Variants in LY75 observed in about 807,000 individuals in gnomAD.
LY75 encodes the protein lymphocyte antigen 75, also known as C-type lectin domain family 13 member B.
Under a neutral mutation model 231.7 loss-of-function variants are expected in LY75, and 185 were observed. The ratio of observed to expected loss-of-function variants is 0.80; its 90% CI spans 0.71 to 0.90. LY75 has a LOEUF of 0.90. LY75 is among the 40% of genes least tolerant of loss of function. The pLI is 0.00. For synonymous variants in LY75, 668 were observed against 689.0 expected, an observed-to-expected ratio of 0.97 and a Z score of 0.48; for missense variants, 1,947 against 2,050.2, an observed-to-expected ratio of 0.95 and a Z score of 0.97.
chr2:159,852,107 T>G, intron 21 of LY75, 94 bp downstream of exon 21: 1 of 1,504,926 alleles, frequency 6.6e-7, no homozygotes, highest in South Asian at 1.3e-5. Flanking sequence ...TCTATTTCAG[T>G]GATGTTGTCA....
chr2:159,867,008 C>T (rs1684875786), intron 13 of LY75, among the ~76,000 whole-genome samples: 1 of 152,072 alleles, frequency 6.6e-6, no homozygotes, highest in Admixed American at 6.6e-5. Context: ...CACTTAGAAA[C>T]ATCTCTGCTT....
At chr2:159,893,527 G>A (rs1167638540) in intron 3 of LY75, among the ~76,000 whole-genome samples, 1 of 152,074 alleles carries the variant, frequency 6.6e-6, no homozygotes, top group Non-Finnish European at 1.5e-5. Context: ...CTTCTGCTCC[G>A]TGAAACTTAC....
At chr2:159,871,327 G>A (rs549474226) in intron 13 of LY75, among the ~76,000 whole-genome samples, 2 of 152,068 alleles carry the variant, frequency 1.3e-5, no homozygotes, top group Non-Finnish European at 2.9e-5. Flanking sequence ...CAAGTGAAGT[G>A]GGGTCAAGAA....
At chr2:159,823,333 G>A (rs555816485) in intron 28 of LY75, among the ~76,000 whole-genome samples, 4 of 152,020 alleles carry the variant, frequency 2.6e-5, no homozygotes, top group South Asian at 2.1e-4. Context: ...TTGATCAAGC[G>A]GAAGAAAGGA....
Position 159,857,539 on chromosome 2 carries a change from C to T in LY75, c.2383+823G>A, listed in dbSNP as rs183930376. ...GGCCAATCACCTGAGGTCAGGAGTT[C>T]GAGACCAGCTTGGCCAACATGGTGA... On this transcript the variant is annotated intron_variant, in intron 16 of 34. Transcript: ENST00000263636. Among the ~76,000 whole-genome samples, 546 of 152,112 alleles carry T rather than the reference C, an allele frequency of 3.6e-3. 5 individuals are homozygous for T. The highest frequency in any genetic ancestry group is 0.012 in the African/African-American group (511 of 41,470).
At chr2:159,886,674 G>T in intron 4 of LY75, 144 bp from the exon 5 acceptor site, 1 of 726,172 alleles carries the variant, frequency 1.4e-6, no homozygotes, top group East Asian at 2.9e-5. Flanking sequence ...ATGCATCAAA[G>T]GTAGGCAATG....
chr2:159,822,752 G>T (rs1683335342), intron 28 of LY75, among the ~76,000 whole-genome samples: 2 of 152,184 alleles, frequency 1.3e-5, no homozygotes, highest in South Asian at 4.1e-4. Context: ...GCCCCTCTGG[G>T]AAGAAGCTTC....
At chr2:159,867,223 A>G (rs536641203) in intron 13 of LY75, among the ~76,000 whole-genome samples, 1 of 152,304 alleles carries the variant, frequency 6.6e-6, no homozygotes, top group Admixed American at 6.5e-5. Context: ...ATTTTAAAGA[A>G]CTCACTAGCA....
At chr2:159,853,132 A>G in intron 20 of LY75, 141 bp downstream of exon 20, 1 of 812,212 alleles carries the variant, frequency 1.2e-6, no homozygotes, top group Non-Finnish European at 1.9e-6. Flanking sequence ...TGGGAATTTG[A>G]GCTATTGTTG....
chr2:159,865,087 A>ACCATACTTTT (rs1227204363), intron 13 of LY75, among the ~76,000 whole-genome samples, 167 bp from the exon 14 acceptor site: 1 of 152,202 alleles, frequency 6.6e-6, no homozygotes, highest in African/African-American at 2.4e-5. Context: ...CAGAAAAAGT[A>ACCATACTTTT]CCATACTTTT....
In LY75 at chr2:159,803,438, A is replaced by T. The variant is rs1203521676; in HGVS notation, c.*1606T>A. 2 of 152,216 alleles carry T rather than the reference A, an allele frequency of 1.3e-5. No individual in the cohort carries two copies. The highest frequency in any genetic ancestry group is 4.8e-5 in the African/African-American group (2 of 41,452). The allele number at this position is 152,216 out of a possible 1,614,324, so 9.4% of individuals were successfully genotyped here. On this transcript the variant is annotated 3_prime_UTR_variant, in exon 35 of 35. Coordinates refer to ENST00000263636, the MANE Select transcript of LY75 (RefSeq NM_002349.4). ...TGTGCTTTTCACATCAAGTTGGCTT[A>T]GTTCTTGGAGGAAAGTCTTAGTGAC...
intron 23 of LY75, among the ~76,000 whole-genome samples, chr2:159,843,926 A>T (rs1240074730): frequency 6.6e-6 from 1 of 152,200 alleles, no homozygotes; most frequent in African/African-American, 2.4e-5. Context: ...AAATTGGTAC[A>T]ATTATTATGA....
chr2:159,860,935 T>C, intron 14 of LY75, 46 bp from the exon 15 acceptor site: 1 of 1,609,974 alleles, frequency 6.2e-7, no homozygotes, highest in Non-Finnish European at 8.5e-7. Flanking sequence ...GATGTATAAA[T>C]ATTTGCAATT....
intron 14 of LY75, among the ~76,000 whole-genome samples, chr2:159,861,523 A>C (rs1042493890): frequency 4.6e-5 from 7 of 152,154 alleles, no homozygotes; most frequent in Admixed American, 3.9e-4. Flanking sequence ...CAAGGTTGGC[A>C]GATGGCTTGA....
At chr2:159,874,099 AT>A (rs1685105571) in intron 12 of LY75, among the ~76,000 whole-genome samples, 5 of 139,992 alleles carry the variant, frequency 3.6e-5, no homozygotes, top group Non-Finnish European at 6.1e-5. Context: ...TATTTTGTAA[AT>A]ATATAAACGT....
intron 28 of LY75, among the ~76,000 whole-genome samples, chr2:159,823,958 A>G (rs1683380040): frequency 6.6e-6 from 1 of 152,210 alleles, no homozygotes; most frequent in African/African-American, 2.4e-5. Flanking sequence ...AGCACTAAAC[A>G]TGGAAAGGAA....
At chr2:159,838,884 C>T (rs1273874830) in intron 25 of LY75, among the ~76,000 whole-genome samples, 1 of 152,154 alleles carries the variant, frequency 6.6e-6, no homozygotes, top group Non-Finnish European at 1.5e-5. Context: ...CAACCTCCAC[C>T]TCCCAGGTTC....
chr2:159,824,532 C>T (rs958649847), intron 28 of LY75, among the ~76,000 whole-genome samples: 11 of 152,140 alleles, frequency 7.2e-5, no homozygotes, highest in African/African-American at 2.7e-4. Flanking sequence ...GACTTTAACA[C>T]CCCACTGTCA....
chr2:159,858,845 G>A (rs746280734), intron 15 of LY75, among the ~76,000 whole-genome samples: 32 of 152,298 alleles, frequency 2.1e-4, no homozygotes, highest in Non-Finnish European at 4.4e-4. Flanking sequence ...CTTCTCTGGT[G>A]TTACCATGCC....
Sources: allele counts gnomAD v4.1 joint callset (sites outside exome capture counted in the v4.1 genomes callset), GRCh38; gene constraint gnomAD v4.1.1; transcripts MANE v1.5; gene names NCBI Gene and HGNC (gene_info 2026-07-23, HGNC 2026-07-21).